ZEB2: variants seen among roughly 807,000 people sequenced by gnomAD.
ZEB2 encodes the protein zinc finger E-box binding homeobox 2.
In ZEB2, 6 loss-of-function variants were observed where a neutral mutation model predicts 99.9. The observed-to-expected ratio is 0.06, with a 90% CI of 0.03 to 0.12. ZEB2 has a LOEUF of 0.12. Among genes scored for constraint, ZEB2 ranks in the 10% least tolerant of loss-of-function variants. ZEB2 has a pLI of 1.00. For synonymous variants in ZEB2, 517 were observed against 542.5 expected (o/e 0.95, Z 0.65); for missense variants, 969 against 1,502.8 (o/e 0.64, Z 5.87).
In ZEB2 at chr2:144,396,512, T is replaced by C. The variant is rs778354155; in HGVS notation, c.2967A>G (p.Lys989=). Residue 989 remains lysine, a synonymous_variant, in exon 9 of 10, where the codon AAA becomes AAG. Coordinates refer to ENST00000627532, the MANE Select transcript of ZEB2 (RefSeq NM_014795.4). ...MTDSDSCLSR[K]KIKKTESGMY... ...TGCCACTCTCTGTCTTCTTGATCTT[T>C]TTGCGAGACAGACAGGAGTCGGAGT... 1.4e-5 allele frequency: 23 copies of C among 1,614,120 alleles called. No homozygotes were observed. The highest frequency in any genetic ancestry group is 1.5e-5 in the Non-Finnish European group (18 of 1,179,994).
chr2:144,464,830 G>A (rs1347750173), intron 2 of ZEB2, among the ~76,000 whole-genome samples: 4 of 152,168 alleles, frequency 2.6e-5, no homozygotes, highest in Non-Finnish European at 5.9e-5. Context: ...TCCAGACAAA[G>A]ACTGTGACAG....
At chr2:144,473,435 C>CT (rs200368250) in intron 2 of ZEB2, among the ~76,000 whole-genome samples, 3,377 of 152,140 alleles carry the variant, frequency 0.022, 57 homozygotes, top group Admixed American at 0.033. Flanking sequence ...TACCTTGATT[C>CT]TTTTTTTGGT....
At chr2:144,480,373 T>C (rs1478247170) in intron 2 of ZEB2, among the ~76,000 whole-genome samples, 1 of 152,104 alleles carries the variant, frequency 6.6e-6, no homozygotes, top group Non-Finnish European at 1.5e-5. Context: ...GGTACATCAA[T>C]ATGCACATTA....
At chr2:144,440,902 G>T (rs1053412753) in intron 2 of ZEB2, among the ~76,000 whole-genome samples, 8 of 151,392 alleles carry the variant, frequency 5.3e-5, no homozygotes, top group African/African-American at 1.7e-4. Flanking sequence ...AAATAATTGG[G>T]GGTTGGATGA....
intron 2 of ZEB2, chr2:144,513,741 G>A (rs1377822623): frequency 1.3e-6 from 2 of 1,535,926 alleles, no homozygotes; most frequent in East Asian, 2.4e-5. Context: ...GGGCCGCACC[G>A]GTGGCAAGCA....
chr2:144,401,088 T>C (rs902913982), intron 7 of ZEB2, 111 bp downstream of exon 7: 10 of 956,576 alleles, frequency 1.0e-5, no homozygotes, highest in Non-Finnish European at 1.5e-5. Context: ...ATGAAATAAA[T>C]AGATAGTTCC....
At chr2:144,486,890 G>A (rs1028114482) in intron 2 of ZEB2, among the ~76,000 whole-genome samples, 26 of 152,100 alleles carry the variant, frequency 1.7e-4, no homozygotes, top group Admixed American at 3.9e-4. Flanking sequence ...TTCTGAACTG[G>A]TATTGGTCTA....
intron 2 of ZEB2, among the ~76,000 whole-genome samples, chr2:144,451,559 T>A (rs772020227): frequency 6.6e-6 from 1 of 152,192 alleles, no homozygotes; most frequent in Non-Finnish European, 1.5e-5. Flanking sequence ...TTTCCATAGA[T>A]GAATATTTAC....
intron 2 of ZEB2, among the ~76,000 whole-genome samples, chr2:144,444,248 T>C (rs905127004): frequency 6.6e-6 from 1 of 152,232 alleles, no homozygotes; most frequent in African/African-American, 2.4e-5. Context: ...CAGCTACGTA[T>C]GCACATAACT....
intron 2 of ZEB2, among the ~76,000 whole-genome samples, chr2:144,498,656 T>C (rs185833421): frequency 4.1e-4 from 63 of 152,258 alleles, no homozygotes; most frequent in African/African-American, 1.5e-3. Context: ...GGGAAACAGA[T>C]TTAAATATGA....
intron 2 of ZEB2, among the ~76,000 whole-genome samples, chr2:144,440,205 C>T (rs1375329793): frequency 6.6e-6 from 1 of 152,120 alleles, no homozygotes; most frequent in Non-Finnish European, 1.5e-5. Context: ...AACTCAGACT[C>T]ATGAGAGATA....
chr2:144,468,053 GGGGAGTAGTTT>G (rs1237014026), intron 2 of ZEB2, among the ~76,000 whole-genome samples: 1 of 152,136 alleles, frequency 6.6e-6, no homozygotes, highest in Non-Finnish European at 1.5e-5. Flanking sequence ...AGACTTCAAA[GGGGAGTAGTTT>G]GGAAGATCTG....
intron 2 of ZEB2, among the ~76,000 whole-genome samples, chr2:144,458,939 G>A (rs1424302343): frequency 6.6e-6 from 1 of 152,168 alleles, no homozygotes; most frequent in Non-Finnish European, 1.5e-5. Flanking sequence ...AATTTAGAAT[G>A]GGAATCTTGC....
At chr2:144,428,935 G>C (rs904305182) in intron 3 of ZEB2, 2 of 152,156 alleles carry the variant, frequency 1.3e-5, no homozygotes, top group African/African-American at 2.4e-5. Flanking sequence ...CTGAATTAGA[G>C]AGGTCATTTA....
intron 2 of ZEB2, among the ~76,000 whole-genome samples, chr2:144,511,101 A>T (rs1705030803): frequency 6.6e-6 from 1 of 152,202 alleles, no homozygotes; most frequent in African/African-American, 2.4e-5. Flanking sequence ...ACCAGATGAC[A>T]CAAGAGTTGG....
intron 2 of ZEB2, among the ~76,000 whole-genome samples, chr2:144,507,212 G>A (rs1367456270): frequency 6.6e-6 from 1 of 152,192 alleles, no homozygotes; most frequent in East Asian, 1.9e-4. Flanking sequence ...GTAAAGTGTT[G>A]TGTGGGTTTA....
chr2:144,488,702 T>TGTGA (rs1411024577), intron 2 of ZEB2, among the ~76,000 whole-genome samples: 1 of 149,142 alleles, frequency 6.7e-6, no homozygotes, highest in Non-Finnish European at 1.5e-5. Flanking sequence ...TGTGTGTGTG[T>TGTGA]GATGGGCATT....
chr2:144,399,061 T>A lies in ZEB2; in HGVS notation c.2126A>T (p.Glu709Val). The change falls in exon 8 of 10, where the codon GAA becomes GTA. Residue 709 changes from glutamate (E) to valine (V), a missense_variant. Coordinates refer to ENST00000627532, the MANE Select transcript of ZEB2 (RefSeq NM_014795.4). The surrounding 1 kb of genome is among the most constrained non-coding windows in gnomAD (Gnocchi z 5.6). ...GGGAGCTAACGGCTTGGAGCTTCTTTCCAGGGATGGGGACCTGGAATTTGA... is the reference window on the plus strand; with the variant it reads ...GGGAGCTAACGGCTTGGAGCTTCTTACCAGGGATGGGGACCTGGAATTTGA... Reference protein sequence around the residue: ...QYSNSRSPSLERSSKPLAPNS... With the variant: ...QYSNSRSPSLVRSSKPLAPNS... The A allele has an allele frequency of 6.2e-7, 1 of 1,614,166 alleles. No individual in the cohort carries two copies. The highest frequency in any genetic ancestry group is 8.5e-7 in the Non-Finnish European group (1 of 1,180,014).
intron 2 of ZEB2, chr2:144,462,181 AAG>A (rs1553966755): frequency 1.3e-5 from 2 of 152,126 alleles, no homozygotes; most frequent in Non-Finnish European, 1.5e-5. Context: ...AGAAGAATAA[AAG>A]AAAAAAAAGA....
Sources: gnomAD v4.1 joint callset for allele counts (sites outside exome capture counted in the v4.1 genomes callset) on GRCh38, gnomAD v4.1.1 for gene constraint, Gnocchi (gnomAD v3.1) non-coding constraint, MANE v1.5 for transcripts, NCBI Gene and HGNC (gene_info 2026-07-23, HGNC 2026-07-21) for gene names.